The following IQSEC2 variants were observed in gnomAD, a reference collection of about 807,000 sequenced individuals.
IQSEC2 encodes the protein IQ motif and SEC7 domain-containing protein 2.
IQSEC2 carries 6 observed loss-of-function variants against 74.6 expected under a neutral mutation model. The ratio of observed to expected loss-of-function variants is 0.08; its 90% CI spans 0.04 to 0.16. The LOEUF (loss-of-function observed/expected upper bound fraction) is 0.16, where lower values mean the gene tolerates loss of function less well. IQSEC2 is among the 10% of genes least tolerant of loss of function. The pLI is 1.00. For synonymous variants in IQSEC2, 494 were observed against 544.5 expected (o/e 0.91, Z 1.29); for missense variants, 734 against 1,306.2 (o/e 0.56, Z 6.75).
intron 2 of IQSEC2, among the ~76,000 whole-genome samples, chrX:53,270,381 C>A (rs1416644721): frequency 1.8e-5 from 2 of 111,288 alleles, no homozygotes; most frequent in Non-Finnish European, 3.8e-5. Context: ...GGTCTCCCTG[C>A]TGCTCCCCAA....
intron 1 of IQSEC2, among the ~76,000 whole-genome samples, chrX:53,311,615 C>A (rs1415431057): frequency 1.8e-5 from 2 of 111,928 alleles, no homozygotes; most frequent in African/African-American, 6.5e-5. Flanking sequence ...CACCTCTCCC[C>A]CAGTTTAAAA....
At chrX:53,244,706 G>A (rs782424659) in intron 8 of IQSEC2, among the ~76,000 whole-genome samples, 1 of 111,253 alleles carries the variant, frequency 9.0e-6, no homozygotes, top group Non-Finnish European at 1.9e-5. Flanking sequence ...TATGGGAAAA[G>A]AGTAAGATAA....
At chrX:53,299,753 A>G (rs1342678074) in intron 1 of IQSEC2, among the ~76,000 whole-genome samples, 2 of 110,410 alleles carry the variant, frequency 1.8e-5, no homozygotes, top group Admixed American at 9.6e-5. Context: ...CCAAAAAGAC[A>G]AGACTTTTTT....
intron 8 of IQSEC2, among the ~76,000 whole-genome samples, chrX:53,244,239 A>G (rs2074268712): frequency 9.3e-6 from 1 of 107,057 alleles, no homozygotes; most frequent in Non-Finnish European, 1.9e-5. Context: ...AAGAAAAAGA[A>G]AAAAAAGAAT....
At chrX:53,280,194 A>AG (rs1178594023) in intron 2 of IQSEC2, among the ~76,000 whole-genome samples, 1 of 66,824 alleles carries the variant, frequency 1.5e-5, no homozygotes, top group Non-Finnish European at 2.7e-5. Flanking sequence ...CGGGAGGGGA[A>AG]GGGGGGATGA....
intron 14 of IQSEC2, 48 bp downstream of exon 14, chrX:53,235,735 G>A (rs1179063132): frequency 3.9e-5 from 45 of 1,145,820 alleles, no homozygotes; most frequent in Non-Finnish European, 5.2e-5. Context: ...CTCCATGGCC[G>A]GGGCAGGGCT....
rs188358252 is a variant in IQSEC2 at position 53,301,309 on chromosome X, G to A, written c.708-9385C>T. On this transcript the variant is annotated intron_variant, in intron 1 of 14. Coordinates refer to ENST00000642864, the MANE Select transcript of IQSEC2 (RefSeq NM_001111125.3). ...TCCCTTCCCTGCAAAGCAGGACCTA[G>A]CTCAGGAAGCCAAAGGAGGAGGATC... Among the ~76,000 whole-genome samples the A allele has an allele frequency of 3.6e-5, 4 of 111,657 alleles. No individual in the cohort carries two copies. In the East Asian group the frequency reaches 8.5e-4, roughly 24 times the overall value.
intron 12 of IQSEC2, among the ~76,000 whole-genome samples, 187 bp from the exon 13 acceptor site, chrX:53,236,682 C>T (rs1223678131): frequency 2.7e-5 from 3 of 111,066 alleles, no homozygotes; most frequent in East Asian, 5.7e-4. Flanking sequence ...GCTCCATCAC[C>T]GAAGCACCCT....
intron 10 of IQSEC2, among the ~76,000 whole-genome samples, chrX:53,240,618 G>C (rs1310820125): frequency 8.9e-6 from 1 of 112,051 alleles, no homozygotes; most frequent in Non-Finnish European, 1.9e-5. Flanking sequence ...TTAGAGGAAG[G>C]CGGCTTTCTG....
chrX:53,303,502 T>C (rs782474658), intron 1 of IQSEC2, among the ~76,000 whole-genome samples: 4 of 111,036 alleles, frequency 3.6e-5, no homozygotes, highest in African/African-American at 1.3e-4. Context: ...ATCATGACAA[T>C]GTAAAAAGTA....
chrX:53,283,399 C>A (rs1602340566), intron 2 of IQSEC2, among the ~76,000 whole-genome samples: 1 of 111,585 alleles, frequency 9.0e-6, no homozygotes. Flanking sequence ...TCAGTTTGCT[C>A]ATCTATGGAA....
intron 2 of IQSEC2, chrX:53,279,282 A>G (rs2074898269): frequency 3.4e-6 from 1 of 292,106 alleles, no homozygotes; most frequent in Non-Finnish European, 6.0e-6. Flanking sequence ...ACTCCTATTC[A>G]TCCTTTAAAA....
intron 1 of IQSEC2, among the ~76,000 whole-genome samples, chrX:53,320,069 A>G (rs1556879864): frequency 9.0e-6 from 1 of 111,561 alleles, no homozygotes; most frequent in Non-Finnish European, 1.9e-5. Context: ...CGACCATAAA[A>G]ATTCCAACCA....
At chrX:53,318,602 C>T (rs1556879611) in intron 1 of IQSEC2, among the ~76,000 whole-genome samples, 6 of 112,773 alleles carry the variant, frequency 5.3e-5, no homozygotes, top group African/African-American at 1.6e-4. Flanking sequence ...ACCCGAGCTC[C>T]GCTGAGAGCT....
chrX:53,236,536 C>T (rs781936869), intron 12 of IQSEC2, 41 bp from the exon 13 acceptor site: 3 of 1,157,087 alleles, frequency 2.6e-6, no homozygotes, highest in Admixed American at 2.5e-5. Flanking sequence ...AGGTCAGGAA[C>T]AGGAGTGAGA....
At chrX:53,316,644 G>C (rs1302188362) in intron 1 of IQSEC2, among the ~76,000 whole-genome samples, 4 of 110,898 alleles carry the variant, frequency 3.6e-5, no homozygotes, top group Non-Finnish European at 7.6e-5. Flanking sequence ...AACACAGAGA[G>C]ACCCCGTCTC....
chrX:53,248,904 A>G, intron 5 of IQSEC2, 22 bp from the exon 6 acceptor site: 7 of 1,198,059 alleles, frequency 5.8e-6, no homozygotes, highest in Non-Finnish European at 7.9e-6. Flanking sequence ...GGAGAGGTAG[A>G]TGAGATGACT....
intron 1 of IQSEC2, among the ~76,000 whole-genome samples, chrX:53,315,125 T>C (rs1556878795): frequency 1.8e-5 from 2 of 112,120 alleles, no homozygotes; most frequent in East Asian, 5.6e-4. Flanking sequence ...GCGCAGTGGC[T>C]CATGCCTGTA....
chrX:53,279,854 G>T (rs1008879698), intron 2 of IQSEC2: 106 of 214,187 alleles, frequency 4.9e-4, no homozygotes, highest in Non-Finnish European at 8.5e-4. Context: ...AGATAAGGGA[G>T]AAAGGAAAAG....
Sources: allele counts gnomAD v4.1 joint callset (sites outside exome capture counted in the v4.1 genomes callset), GRCh38; gene constraint gnomAD v4.1.1; transcripts MANE v1.5; gene names NCBI Gene and HGNC (gene_info 2026-07-23, HGNC 2026-07-21).